Variants in DYDC2 observed in about 807,000 individuals in gnomAD.
DYDC2 encodes the protein DPY30 domain-containing protein 2.
In DYDC2, 19 loss-of-function variants were observed where a neutral mutation model predicts 18.7. The ratio of observed to expected loss-of-function variants is 1.02; its 90% CI spans 0.71 to 1.49. The LOEUF (loss-of-function observed/expected upper bound fraction) is 1.49. Ranked by LOEUF, DYDC2 falls within the 40% of genes most tolerant of loss-of-function variation. DYDC2 has a pLI of 0.00. For missense variants in DYDC2, 179 were observed against 205.1 expected, an observed-to-expected ratio of 0.87 and a Z score of 0.78; for synonymous variants, 63 against 67.6, an observed-to-expected ratio of 0.93 and a Z score of 0.34.
At chr10:80,360,072 G>A (rs1337914199) in intron 2 of DYDC2, among the ~76,000 whole-genome samples, 1 of 152,236 alleles carries the variant, frequency 6.6e-6, no homozygotes, top group East Asian at 1.9e-4. Context: ...GTCATCTGTC[G>A]TCAGACTAGC....
intron 1 of DYDC2, among the ~76,000 whole-genome samples, chr10:80,351,225 C>T (rs1031772850): frequency 6.6e-6 from 1 of 152,072 alleles, no homozygotes; most frequent in Non-Finnish European, 1.5e-5. Context: ...GTGCTTCCAC[C>T]AACACCATTC....
upstream of DYDC2, chr10:80,356,642 T>A: frequency 1.0e-6 from 1 of 985,108 alleles, no homozygotes; most frequent in Non-Finnish European, 1.2e-6. Flanking sequence ...GAACCGCCTC[T>A]GCCCGCCGGA....
At chr10:80,345,594 C>G (rs1385050546) in intron 1 of DYDC2, among the ~76,000 whole-genome samples, 1 of 152,122 alleles carries the variant, frequency 6.6e-6, no homozygotes, top group African/African-American at 2.4e-5. Flanking sequence ...GGCCTACCCC[C>G]ACTCCACCTC....
intron 2 of DYDC2, among the ~76,000 whole-genome samples, chr10:80,358,537 G>GTCTC (rs1843535346): frequency 6.6e-6 from 1 of 152,162 alleles, no homozygotes; most frequent in African/African-American, 2.4e-5. Flanking sequence ...TAGAGTAGGG[G>GTCTC]GAGGTATGCC....
intron 2 of DYDC2, among the ~76,000 whole-genome samples, chr10:80,358,364 C>G (rs934803248): frequency 6.6e-6 from 1 of 151,900 alleles, no homozygotes; most frequent in Non-Finnish European, 1.5e-5. Flanking sequence ...GGCGACAGAC[C>G]AAGGCTCTCT....
At chr10:80,364,329 C>T (rs1843760050) in intron 4 of DYDC2, among the ~76,000 whole-genome samples, 1 of 152,128 alleles carries the variant, frequency 6.6e-6, no homozygotes, top group Non-Finnish European at 1.5e-5. Flanking sequence ...GGAAGAATTC[C>T]TTCTTTAAGC....
At chr10:80,359,571 C>T (rs745372459) in intron 2 of DYDC2, among the ~76,000 whole-genome samples, 36 of 152,144 alleles carry the variant, frequency 2.4e-4, no homozygotes, top group Non-Finnish European at 4.6e-4. Context: ...AGGGAGGCTC[C>T]GACAGCACAG....
chr10:80,346,795 C>T (rs1256898924), intron 1 of DYDC2, among the ~76,000 whole-genome samples: 1 of 152,024 alleles, frequency 6.6e-6, no homozygotes, highest in Non-Finnish European at 1.5e-5. Flanking sequence ...CCATCTTAGG[C>T]TGGTCACGGT....
At chr10:80,348,536 C>T (rs1315463137) in intron 1 of DYDC2, among the ~76,000 whole-genome samples, 3 of 152,208 alleles carry the variant, frequency 2.0e-5, no homozygotes, top group African/African-American at 7.2e-5. Context: ...ATTAGATCTC[C>T]GTTCCCAAAC....
upstream of DYDC2, among the ~76,000 whole-genome samples, chr10:80,352,912 C>A (rs1033123545): frequency 1.3e-5 from 2 of 152,150 alleles, no homozygotes; most frequent in African/African-American, 4.8e-5. Flanking sequence ...TAATGTGGGT[C>A]TCATGTAATC....
intron 1 of DYDC2, among the ~76,000 whole-genome samples, chr10:80,351,564 T>C (rs1032739751): frequency 3.3e-5 from 5 of 151,832 alleles, no homozygotes; most frequent in Non-Finnish European, 7.4e-5. Context: ...CAGCAATAGA[T>C]ATGGTTGACC....
chr10:80,349,094 C>A (rs370256744), intron 1 of DYDC2, among the ~76,000 whole-genome samples: 5 of 152,182 alleles, frequency 3.3e-5, no homozygotes, highest in Middle Eastern at 6.8e-3. Flanking sequence ...GGTTTCACCG[C>A]GTTCGCCAGG....
At chr10:80,355,319 C>A (rs2132860278), upstream of DYDC2, among the ~76,000 whole-genome samples, 1 of 151,770 alleles carries the variant, frequency 6.6e-6, no homozygotes, top group South Asian at 2.1e-4. Flanking sequence ...TATGGATGAA[C>A]CCCAGGATGT....
chr10:80,364,102 C>T (rs1263663910), intron 4 of DYDC2, among the ~76,000 whole-genome samples: 2 of 152,194 alleles, frequency 1.3e-5, no homozygotes, highest in Non-Finnish European at 1.5e-5. Context: ...GCATTAAAGT[C>T]TTTAATGCAG....
intron 2 of DYDC2, 26 bp from the exon 3 acceptor site, chr10:80,362,409 T>C (rs1333129007): frequency 5.0e-6 from 8 of 1,596,800 alleles, no homozygotes; most frequent in Non-Finnish European, 6.8e-6. Flanking sequence ...TGTAAAATAG[T>C]GTGACTTTGT....
rs142985813 is a variant in DYDC2, at chr10:80,362,177, G to A, written c.-9-258G>A. Among the ~76,000 whole-genome samples the A allele has an allele frequency of 2.7e-3, 417 of 152,228 alleles. 3 individuals are homozygous for A. The highest frequency in any genetic ancestry group is 9.6e-3 in the African/African-American group (399 of 41,528). ...AGATCTGAGCTTTTATTATTTGCTG[G>A]GCTCTTTTGGAATTAAAATGTGTCA... is the stretch of plus-strand genomic sequence containing the variant. On this transcript the variant is annotated intron_variant, in intron 2 of 4. Coordinates refer to ENST00000256039, the MANE Select transcript of DYDC2 (RefSeq NM_032372.6).
rs1843711076 is a variant in DYDC2 at position 80,363,030 on chromosome 10, AG to A, written c.229del (p.Glu77LysfsTer16). On this transcript the variant is annotated frameshift_variant, in exon 4 of 5. Transcript: ENST00000256039. LOFTEE classifies it high-confidence loss of function. ...ATGGAAATGACAGAAATGCTGAAAC[AG>A]GAAGAGTATCAGATTCAACAGAACT... ...KEMEMTEMLK[Q>X]EEYQIQQNCE... The A allele has an allele frequency of 6.8e-6, 11 of 1,614,046 alleles. No homozygotes were observed. The East Asian group carries it at 2.5e-4, about 36-fold the overall frequency.
At chr10:80,354,573 T>C (rs1843240802), upstream of DYDC2, 1 of 151,768 alleles carries the variant, frequency 6.6e-6, no homozygotes, top group Non-Finnish European at 1.5e-5. Context: ...GAATTGAATA[T>C]CTGTGTCCCC....
chr10:80,352,734 T>A, upstream of DYDC2: 1 of 1,187,502 alleles, frequency 8.4e-7, no homozygotes, highest in Non-Finnish European at 1.1e-6. Flanking sequence ...CACCTCCCAT[T>A]GGGGGTGTCA....
Sources: allele counts gnomAD v4.1 joint callset (sites outside exome capture counted in the v4.1 genomes callset), GRCh38; gene constraint gnomAD v4.1.1; transcripts MANE v1.5; gene names NCBI Gene and HGNC (gene_info 2026-07-23, HGNC 2026-07-21).